TGM3: variants seen among roughly 807,000 people sequenced by gnomAD.
TGM3 encodes the protein transglutaminase 3, also known as protein-glutamine gamma-glutamyltransferase E.
In TGM3, 52 loss-of-function variants were observed where a neutral mutation model predicts 73.8. That is an observed-to-expected ratio of 0.70 (90% CI 0.56 to 0.89). TGM3 has a LOEUF of 0.89. Ranked by LOEUF, TGM3 falls within the 40% of genes least tolerant of loss-of-function variation. The probability of loss-of-function intolerance (pLI) is 0.00; values close to 1 mark genes in which losing one functional copy is unlikely to be tolerated. For synonymous variants in TGM3, 372 were observed against 354.9 expected (o/e 1.05, Z -0.54); for missense variants, 928 against 909.9 (o/e 1.02, Z -0.26).
In TGM3 at chr20:2,332,298, G is replaced by A. The variant is rs375357846; in HGVS notation, c.1630G>A (p.Asp544Asn). ...GAAGGACTCTGCCACAATGTCCCTG[G>A]ACCCTGAGGAAGGTAACGCATCCCG... is the stretch of plus-strand genomic sequence containing the variant. The part of the protein sequence containing the change: ...VWKDSATMSL[D>N]PEEEAEHPIK... Residue 544 changes from aspartate to asparagine, a missense_variant, in exon 10 of 13, where the codon GAC becomes AAC. Transcript: ENST00000381458. This position sits in a 1 kb window ranked among gnomAD's most constrained non-coding sequence, Gnocchi z 4.4. 3.8e-5 allele frequency: 60 copies of A among 1,594,566 alleles called. No individual in the cohort carries two copies. The highest frequency in any genetic ancestry group is 4.6e-5 in the Non-Finnish European group (54 of 1,168,770).
At chr20:2,298,103 G>T (rs2084121036) in intron 1 of TGM3, among the ~76,000 whole-genome samples, 1 of 152,178 alleles carries the variant, frequency 6.6e-6, no homozygotes, top group Admixed American at 6.5e-5. Context: ...ATAAATGTCA[G>T]TGTGAGCAGG....
chr20:2,339,217 G>C (rs538045368), intron 11 of TGM3, among the ~76,000 whole-genome samples: 1 of 152,368 alleles, frequency 6.6e-6, no homozygotes, highest in East Asian at 1.9e-4. Flanking sequence ...GTGAGCCAGG[G>C]TGTGAGCAGC....
In TGM3 at chr20:2,332,424, G is replaced by A. The variant is rs558449626; in HGVS notation, c.1642+114G>A. 1.7e-4 allele frequency: 181 copies of A among 1,042,950 alleles called. 3 individuals carry two copies. The South Asian group carries it at 3.0e-3, about 17-fold the overall frequency. 64.6% of individuals were successfully genotyped at this position (1,042,950 alleles called of 1,614,324 possible). Reference sequence around the variant, plus strand: ...TAGTCAGCTACGAATGGAGCAGCCAGCGGCCCCTGTGGTTAAGCCATGTAT... The same window carrying A: ...TAGTCAGCTACGAATGGAGCAGCCAACGGCCCCTGTGGTTAAGCCATGTAT... On this transcript the variant is annotated intron_variant, in intron 10 of 12. Coordinates refer to ENST00000381458, the MANE Select transcript of TGM3 (RefSeq NM_003245.4). The surrounding 1 kb of genome is among the most constrained non-coding windows in gnomAD (Gnocchi z 4.4).
At chr20:2,305,301 A>C (rs2084171158) in intron 1 of TGM3, among the ~76,000 whole-genome samples, 1 of 152,200 alleles carries the variant, frequency 6.6e-6, no homozygotes. Context: ...GAGGCTATCC[A>C]GGAGCTGCCA....
At chr20:2,303,976 G>T (rs921727660) in intron 1 of TGM3, among the ~76,000 whole-genome samples, 5 of 152,178 alleles carry the variant, frequency 3.3e-5, no homozygotes, top group African/African-American at 1.2e-4. Context: ...GGTTTTTCCC[G>T]CTGATGTCTT....
At chr20:2,333,643 G>A (rs1030567036) in intron 10 of TGM3, among the ~76,000 whole-genome samples, 8 of 152,116 alleles carry the variant, frequency 5.3e-5, no homozygotes, top group Admixed American at 6.6e-5. Context: ...CAATTTTCCC[G>A]CCTTGGCTTC....
At chr20:2,339,537 TCCTGGGAAG>T (rs1420619898) in intron 11 of TGM3, among the ~76,000 whole-genome samples, 1 of 152,164 alleles carries the variant, frequency 6.6e-6, no homozygotes, top group Non-Finnish European at 1.5e-5. Flanking sequence ...GGTTGGGCTG[TCCTGGGAAG>T]CAGGGTCTGA....
At chr20:2,309,489 T>C (rs1212107808) in intron 1 of TGM3, among the ~76,000 whole-genome samples, 168 bp from the exon 2 acceptor site, 1 of 152,248 alleles carries the variant, frequency 6.6e-6, no homozygotes, top group Non-Finnish European at 1.5e-5. Context: ...TGTGATGTTC[T>C]TGCTATGCAA....
intron 1 of TGM3, among the ~76,000 whole-genome samples, chr20:2,308,787 C>T (rs1051745761): frequency 1.3e-5 from 2 of 151,932 alleles, no homozygotes; most frequent in South Asian, 2.1e-4. Context: ...ACTGGAGAGG[C>T]GAAACATGCT....
intron 1 of TGM3, among the ~76,000 whole-genome samples, chr20:2,304,243 T>C (rs990456974): frequency 1.3e-5 from 2 of 152,170 alleles, no homozygotes; most frequent in African/African-American, 2.4e-5. Context: ...GACAGGATCA[T>C]TGGATCCTTG....
intron 8 of TGM3, among the ~76,000 whole-genome samples, chr20:2,326,205 G>T (rs1009712406): frequency 6.6e-6 from 1 of 152,264 alleles, no homozygotes; most frequent in Non-Finnish European, 1.5e-5. Flanking sequence ...GGTGGGCAGA[G>T]AGAGCAGCCT....
At chr20:2,306,270 C>T (rs2084176074) in intron 1 of TGM3, among the ~76,000 whole-genome samples, 1 of 152,114 alleles carries the variant, frequency 6.6e-6, no homozygotes, top group African/African-American at 2.4e-5. Context: ...AGACTTTCTA[C>T]TTTCAAAGAA....
rs747010553 is a variant in TGM3 at position 2,335,180 on chromosome 20, G to A, written c.1707G>A (p.Met569Ile). 1 of 1,614,242 alleles carries A rather than the reference G, an allele frequency of 6.2e-7. No homozygotes were observed. The highest frequency in any genetic ancestry group is 8.5e-7 in the Non-Finnish European group (1 of 1,180,042). ...QYEKYLKSDNMIRITAVCKVP... is the reference protein window; with the variant it reads ...QYEKYLKSDNIIRITAVCKVP... ...AGAAGTACCTGAAGTCAGACAACAT[G>A]ATCCGGATCACAGCGGTGTGCAAGG... The change falls in exon 11 of 13, where the codon ATG (methionine) becomes ATA (isoleucine). Residue 569 changes from methionine (M) to isoleucine (I), a missense_variant. By Grantham distance (10) the Met-to-Ile change is conservative (BLOSUM62 1). Transcript: ENST00000381458.
At chr20:2,299,261 G>A (rs1407915406) in intron 1 of TGM3, among the ~76,000 whole-genome samples, 2 of 152,030 alleles carry the variant, frequency 1.3e-5, no homozygotes, top group Admixed American at 6.6e-5. Context: ...GTCTTGGGGG[G>A]ACTTAAGAAA....
At chr20:2,323,856 T>C (rs2084273701) in intron 7 of TGM3, among the ~76,000 whole-genome samples, 1 of 152,256 alleles carries the variant, frequency 6.6e-6, no homozygotes. Context: ...TTGGTGGTTA[T>C]TTGTATTTCT....
At chr20:2,308,312 T>C (rs969457677) in intron 1 of TGM3, among the ~76,000 whole-genome samples, 1 of 152,220 alleles carries the variant, frequency 6.6e-6, no homozygotes. Flanking sequence ...GGCACTGGAA[T>C]GCACCTTCAC....
Position 2,334,708 on chromosome 20 carries a change from C to T in TGM3, c.1643-408C>T, listed in dbSNP as rs892065480. Among the ~76,000 whole-genome samples, 4 of 152,132 alleles carry T rather than the reference C, an allele frequency of 2.6e-5. No homozygotes were observed. Among genetic ancestry groups the T allele is most frequent in the African/African-American group, 4.8e-5 (2 of 41,436 alleles). Reference sequence around the variant, plus strand: ...CCTGTAATCCCAACACTTTGGGAGGCCAAGGCGGGAGGATCCCTTGAGTCC... The same window carrying T: ...CCTGTAATCCCAACACTTTGGGAGGTCAAGGCGGGAGGATCCCTTGAGTCC... On this transcript the variant is annotated intron_variant, in intron 10 of 12. Transcript: ENST00000381458. This position sits in a 1 kb window ranked among gnomAD's most constrained non-coding sequence, Gnocchi z 4.0.
chr20:2,310,097 AG>A (rs1490192477), intron 2 of TGM3, 80 bp from the exon 3 acceptor site: 11 of 1,573,892 alleles, frequency 7.0e-6, no homozygotes, highest in African/African-American at 2.7e-5. Context: ...TGTCCCCCAG[AG>A]GGGGGTTGTA....
At chr20:2,330,372 C>T (rs2084313546) in intron 9 of TGM3, among the ~76,000 whole-genome samples, 1 of 152,196 alleles carries the variant, frequency 6.6e-6, no homozygotes, top group South Asian at 2.1e-4. Flanking sequence ...CCGTGCACTG[C>T]CTTCAGCTCT....
Sources: allele counts gnomAD v4.1 joint callset (sites outside exome capture counted in the v4.1 genomes callset), GRCh38; gene constraint gnomAD v4.1.1; non-coding constraint Gnocchi (gnomAD v3.1); transcripts MANE v1.5; gene names NCBI Gene and HGNC (gene_info 2026-07-23, HGNC 2026-07-21).